The following TRPC6 variants were observed in gnomAD, a reference collection of about 807,000 sequenced individuals.
The protein encoded by TRPC6 is transient receptor potential cation channel subfamily C member 6.
A neutral mutation model predicts 90.7 loss-of-function variants in TRPC6; 55 were observed. That is an observed-to-expected ratio of 0.61 (90% confidence interval 0.49 to 0.76). The LOEUF (loss-of-function observed/expected upper bound fraction) is 0.76, where lower values mean the gene tolerates loss of function less well. TRPC6 is among the 30% of genes least tolerant of loss of function. TRPC6 has a pLI of 0.00. For missense variants in TRPC6, 989 were observed against 1,122.7 expected (o/e 0.88, Z 1.70); for synonymous variants, 393 against 393.0 (o/e 1.00, Z 0.00).
At chr11:101,471,148 T>A (rs182971892) in intron 9 of TRPC6, 35 bp downstream of exon 9, 64 of 1,608,532 alleles carry the variant, frequency 4.0e-5, no homozygotes, top group Admixed American at 1.3e-4. Context: ...TCACAAAATT[T>A]AAGAATACAA....
intron 1 of TRPC6, among the ~76,000 whole-genome samples, chr11:101,554,439 A>T (rs898903050): frequency 6.6e-6 from 1 of 152,140 alleles, no homozygotes; most frequent in African/African-American, 2.4e-5. Context: ...TTAAGAGAAT[A>T]AACAGTGGCC....
At position 101,471,399 on chromosome 11, in the gene TRPC6, A is replaced by G. The variant is rs1351690407; in HGVS notation, c.2206-13T>C. On this transcript the variant is annotated splice_polypyrimidine_tract_variant and intron_variant, in intron 8 of 12. Coordinates refer to ENST00000344327, the MANE Select transcript of TRPC6 (RefSeq NM_004621.6). The stretch of plus-strand genomic sequence containing the variant: ...CATCAGCGTCATCCTATACAAATAC[A>G]CATGACAGTTCAGCAAGGAAATGCA... The G allele has an allele frequency of 1.9e-6, 3 of 1,613,442 alleles. No individual in the cohort carries two copies. The Admixed American group carries it at 5.0e-5, about 27-fold the overall frequency.
In TRPC6 at chr11:101,520,062, A is replaced by C. The variant is rs530171997; in HGVS notation, c.171-15264T>G. Among the ~76,000 whole-genome samples the C allele has an allele frequency of 3.7e-4, 56 of 152,064 alleles. No homozygotes were observed. The South Asian group carries it at 0.011, about 30-fold the overall frequency. ...TCAGGTATTTCTTTACTGAGAAGTC[A>C]CTGATATGGTTTGGATTTGTGTCCC... On this transcript the variant is annotated intron_variant, in intron 1 of 12. Coordinates refer to ENST00000344327, the MANE Select transcript of TRPC6 (RefSeq NM_004621.6).
intron 3 of TRPC6, among the ~76,000 whole-genome samples, chr11:101,490,966 T>C (rs1859791308): frequency 6.6e-6 from 1 of 152,224 alleles, no homozygotes; most frequent in Admixed American, 6.5e-5. Flanking sequence ...TTATAACAAA[T>C]GTTTTAGAAT....
intron 2 of TRPC6, among the ~76,000 whole-genome samples, chr11:101,502,992 C>T (rs1379947027): frequency 6.6e-6 from 1 of 152,136 alleles, no homozygotes; most frequent in Admixed American, 6.5e-5. Context: ...CCAATATTCA[C>T]TTCTGTAAAA....
chr11:101,560,664 A>T (rs2136865338), intron 1 of TRPC6, among the ~76,000 whole-genome samples: 1 of 151,884 alleles, frequency 6.6e-6, no homozygotes, highest in East Asian at 1.9e-4. Flanking sequence ...AAAAAAAAAT[A>T]GCATAGATCT....
chr11:101,551,279 A>G (rs1482376104), intron 1 of TRPC6, among the ~76,000 whole-genome samples: 1 of 152,064 alleles, frequency 6.6e-6, no homozygotes, highest in Non-Finnish European at 1.5e-5. Flanking sequence ...AATGAATATT[A>G]TGAACTGGCA....
chr11:101,456,414 T>G (rs1392228067), intron 10 of TRPC6, among the ~76,000 whole-genome samples: 1 of 152,198 alleles, frequency 6.6e-6, no homozygotes, highest in African/African-American at 2.4e-5. Flanking sequence ...GATTTATGCC[T>G]TAAGAACATC....
chr11:101,456,190 A>AC (rs1235745803), intron 10 of TRPC6, among the ~76,000 whole-genome samples: 1 of 152,146 alleles, frequency 6.6e-6, no homozygotes, highest in East Asian at 1.9e-4. Flanking sequence ...CTTGAAGGGA[A>AC]CCTCAAGGAT....
chr11:101,557,056 C>A (rs1454775270), intron 1 of TRPC6, among the ~76,000 whole-genome samples: 7 of 152,168 alleles, frequency 4.6e-5, no homozygotes, highest in Admixed American at 1.3e-4. Context: ...AAGAAAGGTA[C>A]CTCAATAAAA....
At chr11:101,497,503 C>A (rs1214695274) in intron 2 of TRPC6, among the ~76,000 whole-genome samples, 1 of 152,126 alleles carries the variant, frequency 6.6e-6, no homozygotes, top group Non-Finnish European at 1.5e-5. Flanking sequence ...GGTCTAAAAA[C>A]AGACACGGCG....
intron 1 of TRPC6, among the ~76,000 whole-genome samples, chr11:101,516,921 T>C (rs1040827091): frequency 6.6e-6 from 1 of 152,234 alleles, no homozygotes; most frequent in Non-Finnish European, 1.5e-5. Flanking sequence ...CTCTTCCACA[T>C]TGCCTTTAGG....
intron 1 of TRPC6, among the ~76,000 whole-genome samples, chr11:101,559,599 T>C (rs1861665545): frequency 6.6e-6 from 1 of 152,096 alleles, no homozygotes; most frequent in Non-Finnish European, 1.5e-5. Flanking sequence ...AATTTTTGTT[T>C]CTCTACACCT....
chr11:101,460,259 C>A (rs1447572016), intron 10 of TRPC6, among the ~76,000 whole-genome samples: 1 of 152,118 alleles, frequency 6.6e-6, no homozygotes, highest in East Asian at 1.9e-4. Flanking sequence ...GGTTCCAAGA[C>A]CCTCCTTCTG....
chr11:101,555,381 C>G (rs1861539527), intron 1 of TRPC6, among the ~76,000 whole-genome samples: 1 of 152,100 alleles, frequency 6.6e-6, no homozygotes, highest in South Asian at 2.1e-4. Flanking sequence ...CAACGACCAC[C>G]AAAAGGCTTC....
intron 10 of TRPC6, among the ~76,000 whole-genome samples, chr11:101,462,528 C>G (rs1328204008): frequency 6.6e-6 from 1 of 152,136 alleles, no homozygotes; most frequent in East Asian, 1.9e-4. Flanking sequence ...TCCTTCACAT[C>G]CCTTGTAAGT....
In TRPC6 at chr11:101,471,216, T is replaced by G; in HGVS notation, c.2376A>C (p.Lys792Asn). ...TCTCTGCATCTTCCTGGAAACCTTT[T>G]TTATGGCCCTGGAACAGCTCAGAAA... is the stretch of plus-strand genomic sequence containing the variant. Reference protein sequence around the residue: ...KWISELFQGHKKGFQEDAEMN... With the variant: ...KWISELFQGHNKGFQEDAEMN... The change falls in exon 9 of 13, where the codon AAA (lysine) becomes AAC (asparagine). Residue 792 changes from lysine (K) to asparagine (N), a missense_variant. By Grantham distance (94) the Lys-to-Asn change is moderately conservative. Coordinates refer to ENST00000344327, the MANE Select transcript of TRPC6 (RefSeq NM_004621.6). 1 of 1,613,934 alleles carries G rather than the reference T, an allele frequency of 6.2e-7. No individual in the cohort carries two copies. The highest frequency in any genetic ancestry group is 8.5e-7 in the Non-Finnish European group (1 of 1,179,816).
intron 2 of TRPC6, among the ~76,000 whole-genome samples, chr11:101,495,857 AT>A (rs1477823216): frequency 6.6e-6 from 1 of 152,158 alleles, no homozygotes; most frequent in Non-Finnish European, 1.5e-5. Flanking sequence ...AAGATTCTAC[AT>A]GTGAGGAGTA....
chr11:101,452,831 G>T lies in TRPC6; in HGVS notation c.*124C>A. 8.8e-7 allele frequency: 1 copy of T among 1,142,832 alleles called. No individual in the cohort carries two copies. Among genetic ancestry groups the T allele is most frequent in the Non-Finnish European group, 1.3e-6 (1 of 780,088 alleles). 70.8% of individuals were successfully genotyped at this position (1,142,832 alleles called of 1,614,324 possible). On this transcript the variant is annotated 3_prime_UTR_variant, in exon 13 of 13. Coordinates refer to ENST00000344327, the MANE Select transcript of TRPC6 (RefSeq NM_004621.6). Reference sequence around the variant, plus strand: ...ATACTAGGGCTCCAGATGATAGGATGGCCCAAGTTATTTAACGTTTTCTTG... The same window carrying T: ...ATACTAGGGCTCCAGATGATAGGATTGCCCAAGTTATTTAACGTTTTCTTG...
Sources: gnomAD v4.1 joint callset for allele counts (sites outside exome capture counted in the v4.1 genomes callset) on GRCh38, gnomAD v4.1.1 for gene constraint, MANE v1.5 for transcripts, NCBI Gene and HGNC (gene_info 2026-07-23, HGNC 2026-07-21) for gene names.